Variants in SLC12A8 observed in about 807,000 individuals in gnomAD.
SLC12A8 encodes cation-chloride cotransporter 9.
Under a neutral mutation model 75.6 loss-of-function variants are expected in SLC12A8, and 69 were observed. The ratio of observed to expected loss-of-function variants is 0.91; its 90% CI spans 0.75 to 1.11. The LOEUF (loss-of-function observed/expected upper bound fraction) is 1.11, where lower values mean the gene tolerates loss of function less well. Ranked by LOEUF, SLC12A8 falls within the 50% of genes most tolerant of loss-of-function variation. SLC12A8 has a pLI of 0.00. For synonymous variants in SLC12A8, 365 were observed against 372.8 expected, an observed-to-expected ratio of 0.98 and a Z score of 0.24; for missense variants, 877 against 896.7, an observed-to-expected ratio of 0.98 and a Z score of 0.28.
intron 8 of SLC12A8, among the ~76,000 whole-genome samples, chr3:125,112,633 C>T (rs1329848196): frequency 6.6e-6 from 1 of 152,224 alleles, no homozygotes; most frequent in Non-Finnish European, 1.5e-5. Context: ...GATCCATTAT[C>T]AATCCTCAAT....
At chr3:125,086,384 C>G (rs993742464) in intron 13 of SLC12A8, among the ~76,000 whole-genome samples, 3 of 152,174 alleles carry the variant, frequency 2.0e-5, no homozygotes, top group Non-Finnish European at 4.4e-5. Flanking sequence ...ATAATCTCCC[C>G]CTAGTACATT....
intron 5 of SLC12A8, among the ~76,000 whole-genome samples, chr3:125,147,154 G>C (rs1435444542): frequency 2.0e-5 from 3 of 152,254 alleles, no homozygotes; most frequent in Non-Finnish European, 4.4e-5. Context: ...CAAGGGCGCT[G>C]TTGTCCTAGT....
intron 12 of SLC12A8, among the ~76,000 whole-genome samples, chr3:125,091,069 T>A (rs1275998476): frequency 6.6e-6 from 1 of 152,232 alleles, no homozygotes; most frequent in Non-Finnish European, 1.5e-5. Context: ...ACTGTTGTGT[T>A]ATCTTAGGTT....
chr3:125,146,435 A>G (rs1275928626), intron 5 of SLC12A8, among the ~76,000 whole-genome samples: 3 of 152,250 alleles, frequency 2.0e-5, no homozygotes, highest in African/African-American at 7.2e-5. Context: ...AGTGTGTGCT[A>G]TGGATATTTT....
At chr3:125,088,752 A>G (rs1223307182) in intron 12 of SLC12A8, among the ~76,000 whole-genome samples, 2 of 152,228 alleles carry the variant, frequency 1.3e-5, no homozygotes, top group African/African-American at 4.8e-5. Context: ...CTACTAGACC[A>G]TACACTGAGA....
rs539905006 is a variant in SLC12A8 at position 125,091,292 on chromosome 3, A to T, written c.1921+147T>A. On this transcript the variant is annotated intron_variant, in intron 12 of 13. Coordinates refer to ENST00000469902, the MANE Select transcript of SLC12A8 (RefSeq NM_024628.6). ...TGGTAATCATTCATGTGCTTGTCAC[A>T]GTTCTCCTCCTAGACTATAAATTAT... The T allele has an allele frequency of 1.1e-4, 68 of 610,936 alleles. 2 individuals carry two copies. The South Asian group carries it at 1.5e-3, about 13-fold the overall frequency. The allele number at this position is 610,936 out of a possible 1,614,324, so 37.8% of individuals were successfully genotyped here.
chr3:125,170,651 A>C (rs1189203881), intron 5 of SLC12A8, among the ~76,000 whole-genome samples: 1 of 152,248 alleles, frequency 6.6e-6, no homozygotes, highest in Non-Finnish European at 1.5e-5. Flanking sequence ...GTGGTGGCTC[A>C]CGCCTGTAAT....
At chr3:125,093,506 C>T (rs1180924956) in intron 10 of SLC12A8, among the ~76,000 whole-genome samples, 1 of 152,126 alleles carries the variant, frequency 6.6e-6, no homozygotes, top group Non-Finnish European at 1.5e-5. Flanking sequence ...TCATGGATCC[C>T]CTAGCCCTCT....
At chr3:125,179,785 C>G (rs1468267861) in intron 4 of SLC12A8, among the ~76,000 whole-genome samples, 2 of 152,188 alleles carry the variant, frequency 1.3e-5, no homozygotes, top group African/African-American at 4.8e-5. Flanking sequence ...AGAACTCAAA[C>G]TTCCTCTTTA....
intron 5 of SLC12A8, among the ~76,000 whole-genome samples, chr3:125,150,747 C>T (rs1173544423): frequency 1.3e-5 from 2 of 152,130 alleles, no homozygotes; most frequent in Non-Finnish European, 2.9e-5. Context: ...TATACAAGGG[C>T]ACCGCAAGAC....
At chr3:125,169,030 C>T (rs1172867241) in intron 5 of SLC12A8, among the ~76,000 whole-genome samples, 1 of 152,164 alleles carries the variant, frequency 6.6e-6, no homozygotes, top group Non-Finnish European at 1.5e-5. Context: ...TCCTAGATAA[C>T]CAAAAAGCTT....
intron 2 of SLC12A8, among the ~76,000 whole-genome samples, chr3:125,205,320 G>T (rs1411995321): frequency 6.6e-6 from 1 of 152,134 alleles, no homozygotes; most frequent in Non-Finnish European, 1.5e-5. Flanking sequence ...ATCGACCTCT[G>T]CATGTTCTCA....
intron 8 of SLC12A8, among the ~76,000 whole-genome samples, chr3:125,111,613 A>G (rs1399671255): frequency 6.6e-6 from 1 of 151,692 alleles, no homozygotes; most frequent in Non-Finnish European, 1.5e-5. Context: ...TGTCACTTAC[A>G]CCCTTCTTGA....
intron 10 of SLC12A8, among the ~76,000 whole-genome samples, chr3:125,098,361 C>T (rs1399603741): frequency 6.6e-6 from 1 of 152,146 alleles, no homozygotes; most frequent in African/African-American, 2.4e-5. Context: ...CAATCTTGTA[C>T]ACATTTTTTG....
intron 2 of SLC12A8, among the ~76,000 whole-genome samples, chr3:125,190,848 C>G (rs114632443): frequency 0.019 from 2,870 of 152,342 alleles, 45 homozygotes; most frequent in East Asian, 0.053. Context: ...GTCAGGTAGA[C>G]TCCCAGCCTC....
Position 125,207,019 on chromosome 3 carries a change from A to G in SLC12A8, c.51+4280T>C, listed in dbSNP as rs1306973662. On this transcript the variant is annotated intron_variant, in intron 2 of 13. Coordinates refer to ENST00000469902, the MANE Select transcript of SLC12A8 (RefSeq NM_024628.6). ...AACATAAGATTTGGTGGGGACACAG[A>G]TACAAACCATGAGAGAGCAAGAGAG... is the stretch of plus-strand genomic sequence containing the variant. Among the ~76,000 whole-genome samples the G allele has an allele frequency of 2.6e-5, 4 of 152,216 alleles. No individual in the cohort carries two copies. In the South Asian group the frequency reaches 6.2e-4, roughly 24 times the overall value.
intron 7 of SLC12A8, chr3:125,119,955 C>T (rs561927587): frequency 2.2e-6 from 1 of 456,054 alleles, no homozygotes; most frequent in East Asian, 7.0e-5. Context: ...ACCCAGCCTG[C>T]TTGTGTGGGT....
At chr3:125,111,178 C>A (rs772937820) in intron 8 of SLC12A8, among the ~76,000 whole-genome samples, 4 of 152,174 alleles carry the variant, frequency 2.6e-5, no homozygotes, top group Non-Finnish European at 4.4e-5. Context: ...TTTAAGCAGG[C>A]CTTCTGTCTT....
chr3:125,153,818 C>T (rs541841666), intron 5 of SLC12A8, among the ~76,000 whole-genome samples: 8 of 152,198 alleles, frequency 5.3e-5, no homozygotes, highest in South Asian at 2.1e-4. Context: ...CAATGTGGGG[C>T]GGATGACGCA....
Sources: gnomAD v4.1 joint callset for allele counts (sites outside exome capture counted in the v4.1 genomes callset) on GRCh38, gnomAD v4.1.1 for gene constraint, MANE v1.5 for transcripts, NCBI Gene and HGNC (gene_info 2026-07-23, HGNC 2026-07-21) for gene names.